Variants in GSDME observed in about 807,000 individuals in gnomAD.
GSDME encodes the protein gasdermin E, also known as gasdermin-E.
A neutral mutation model predicts 47.5 loss-of-function variants in GSDME; 44 were observed. The observed-to-expected ratio is 0.93, with a 90% CI of 0.73 to 1.19. The LOEUF is 1.19. Among genes scored for constraint, GSDME ranks in the 50% most tolerant of loss-of-function variants. The pLI, the probability that GSDME is intolerant of heterozygous loss-of-function variation, is 0.00. For missense variants in GSDME, 663 were observed against 604.2 expected (o/e 1.10, Z -1.02); for synonymous variants, 258 against 252.8 (o/e 1.02, Z -0.20).
rs1349417807 is a variant in GSDME at position 24,716,642 on chromosome 7, G to A, written c.697+612C>T. On this transcript the variant is annotated intron_variant, in intron 5 of 9. Transcript: ENST00000645220. This position sits in a 1 kb window ranked among gnomAD's most constrained non-coding sequence, Gnocchi z 4.5. ...CTTCCGTGACAACAGCTGGGTCTCT[G>A]CGCTTTGAACACACTCGTGATCAGC... 6.3e-6 allele frequency: 1 copy of A among 158,360 alleles called. No individual in the cohort carries two copies. Among genetic ancestry groups the A allele is most frequent in the Non-Finnish European group, 1.4e-5 (1 of 71,454 alleles). The allele number at this position is 158,360 out of a possible 1,614,324, so 9.8% of individuals were successfully genotyped here.
At chr7:24,759,544 C>G (rs1024453943), upstream of GSDME, among the ~76,000 whole-genome samples, 2 of 152,166 alleles carry the variant, frequency 1.3e-5, no homozygotes, top group African/African-American at 4.8e-5. Context: ...TCATTTAATC[C>G]TTACAACTAT....
chr7:24,756,511 C>T lies in GSDME; in HGVS notation c.-20+885G>A, dbSNP rs2128068860. Among the ~76,000 whole-genome samples, 1 of 152,324 alleles carries T rather than the reference C, an allele frequency of 6.6e-6. No individual in the cohort carries two copies. Among genetic ancestry groups the T allele is most frequent in the South Asian group, 2.1e-4 (1 of 4,826 alleles). ...GAAGACAATTAATTTCACTCTTCAG[C>T]TGCTTCTCCAACCCCACAGCACTCC... On this transcript the variant is annotated intron_variant, in intron 1 of 9. Coordinates refer to ENST00000645220, the MANE Select transcript of GSDME (RefSeq NM_001127453.2). This position sits in a 1 kb window ranked among gnomAD's most constrained non-coding sequence, Gnocchi z 4.2.
At position 24,745,285 on chromosome 7, in the gene GSDME, T is replaced by G. The variant is rs1245566587; in HGVS notation, c.212-531A>C. Among the ~76,000 whole-genome samples the G allele has an allele frequency of 6.6e-6, 1 of 152,158 alleles. No homozygotes were observed. ...AGAGAACAGCAGCCCCTATTCTGGATGCACCGCGAGAGGACAGCCTTCCTT... is the reference window on the plus strand; with the variant it reads ...AGAGAACAGCAGCCCCTATTCTGGAGGCACCGCGAGAGGACAGCCTTCCTT... On this transcript the variant is annotated intron_variant, in intron 2 of 9. Coordinates refer to ENST00000645220, the MANE Select transcript of GSDME (RefSeq NM_001127453.2). This position sits in a 1 kb window ranked among gnomAD's most constrained non-coding sequence, Gnocchi z 4.4.
intron 9 of GSDME, chr7:24,702,326 A>G (rs17149906): frequency 3.9e-6 from 1 of 259,240 alleles, no homozygotes; most frequent in Non-Finnish European, 7.5e-6. Context: ...GAAAGAAGCT[A>G]TGTCTCCCTG....
At chr7:24,748,168 A>ATTTTTTT (rs1366320411) in intron 2 of GSDME, among the ~76,000 whole-genome samples, 138 of 117,478 alleles carry the variant, frequency 1.2e-3, no homozygotes, top group African/African-American at 3.7e-3. Flanking sequence ...ATATATATAT[A>ATTTTTTT]TTTTTTTTTG....
intron 7 of GSDME, among the ~76,000 whole-genome samples, chr7:24,706,795 CAG>C (rs1045936846): frequency 1.3e-5 from 2 of 152,252 alleles, no homozygotes; most frequent in Non-Finnish European, 2.9e-5. Flanking sequence ...TCTGTCCCCA[CAG>C]AGCCTGCTGT....
chr7:24,707,534 C>A (rs1446930104), intron 7 of GSDME: 1 of 414,324 alleles, frequency 2.4e-6, no homozygotes, highest in African/African-American at 2.1e-5. Flanking sequence ...TGAGTAGTGG[C>A]CCACCAACAT....
At chr7:24,782,180 T>C in the GSDME span, among the ~76,000 whole-genome samples, 1 of 152,084 alleles carries the variant, frequency 6.6e-6, no homozygotes, top group Non-Finnish European at 1.5e-5. Context: ...ACTCGTCATT[T>C]ACGTTAGGTA....
the GSDME span, among the ~76,000 whole-genome samples, chr7:24,775,791 C>T: frequency 7.2e-6 from 1 of 139,260 alleles, no homozygotes; most frequent in African/African-American, 2.7e-5. Context: ...GGGAGAATCA[C>T]TTGAACCCAG....
In GSDME at chr7:24,710,262, AT is replaced by A; in HGVS notation, c.823del (p.Ile275TyrfsTer8). On this transcript the variant is annotated frameshift_variant, in exon 6 of 10. Transcript: ENST00000645220. LOFTEE classifies it high-confidence loss of function. The stretch of plus-strand genomic sequence containing the variant: ...ACTTAATGGTCCATCCTGGGAAGAT[AT>A]CCCATGCGCAGCATCTGGCATGTCT... Reference protein sequence around the residue: ...FIDMPDAAHGISSQDGPLSVL... With the variant: ...FIDMPDAAHGXSSQDGPLSVL... 1 of 1,614,204 alleles carries A rather than the reference AT, an allele frequency of 6.2e-7. No individual in the cohort carries two copies. Among genetic ancestry groups the A allele is most frequent in the African/African-American group, 1.3e-5 (1 of 75,070 alleles).
intron 9 of GSDME, among the ~76,000 whole-genome samples, chr7:24,700,920 C>T (rs537508510): frequency 6.6e-6 from 1 of 152,216 alleles, no homozygotes; most frequent in Admixed American, 6.5e-5. Context: ...CCACCACCCC[C>T]TTTGCCCACA....
chr7:24,716,102 C>T lies in GSDME; in HGVS notation c.697+1152G>A, dbSNP rs771303080. 7.2e-5 allele frequency among the ~76,000 whole-genome samples: 11 copies of T among 152,202 alleles called. No homozygotes were observed. Among genetic ancestry groups the T allele is most frequent in the Non-Finnish European group, 1.5e-5 (1 of 68,036 alleles). On this transcript the variant is annotated intron_variant, in intron 5 of 9. Coordinates refer to ENST00000645220, the MANE Select transcript of GSDME (RefSeq NM_001127453.2). This position sits in a 1 kb window ranked among gnomAD's most constrained non-coding sequence, Gnocchi z 4.5. ...GTCTCACGGGAGACTGCCCCCCACCCGCCTTCCACAAATGGGGGAGAAGCA... is the reference window on the plus strand; with the variant it reads ...GTCTCACGGGAGACTGCCCCCCACCTGCCTTCCACAAATGGGGGAGAAGCA...
chr7:24,765,900 G>A, the GSDME span, among the ~76,000 whole-genome samples: 3 of 151,982 alleles, frequency 2.0e-5, no homozygotes, highest in African/African-American at 7.2e-5. Context: ...TCCTAGAGAG[G>A]CAGCCTATAA....
At chr7:24,765,726 A>G in the GSDME span, among the ~76,000 whole-genome samples, 1 of 152,220 alleles carries the variant, frequency 6.6e-6, no homozygotes, top group Non-Finnish European at 1.5e-5. Flanking sequence ...TCATTTATCT[A>G]AAGTTTTTCT....
the GSDME span, among the ~76,000 whole-genome samples, chr7:24,792,683 T>C: frequency 6.6e-6 from 1 of 152,346 alleles, no homozygotes; most frequent in East Asian, 1.9e-4. Flanking sequence ...CCCACAACTC[T>C]GGAGCAGGTG....
rs2721809 is a variant in GSDME, at chr7:24,708,291, G to A, written c.863-37C>T. The A allele has an allele frequency of 0.48, 775,009 of 1,611,244 alleles. 202,812 individuals carry two copies. Among genetic ancestry groups the A allele is most frequent in the East Asian group, 0.99 (44,623 of 44,858 alleles). ...AAGCACACCCAAGTCTCATGACTGCGATGCACATCTCACGACGTCGGACAG... is the reference window on the plus strand; with the variant it reads ...AAGCACACCCAAGTCTCATGACTGCAATGCACATCTCACGACGTCGGACAG... On this transcript the variant is annotated intron_variant, in intron 6 of 9. Transcript: ENST00000645220.
chr7:24,730,507 T>A (rs1227793935), intron 3 of GSDME, among the ~76,000 whole-genome samples: 1 of 152,156 alleles, frequency 6.6e-6, no homozygotes, highest in African/African-American at 2.4e-5. Context: ...TCCAAAAAGA[T>A]CTGAAGTTGC....
intron 1 of GSDME, among the ~76,000 whole-genome samples, chr7:24,752,995 T>G (rs1170371577): frequency 6.6e-6 from 1 of 151,976 alleles, no homozygotes; most frequent in East Asian, 1.9e-4. Context: ...TTTTCATGTT[T>G]TTTTTTTTTC....
chr7:24,722,733 C>T (rs758176765), intron 3 of GSDME, among the ~76,000 whole-genome samples: 22 of 152,232 alleles, frequency 1.4e-4, no homozygotes, highest in Non-Finnish European at 3.2e-4. Flanking sequence ...CTAGACTACT[C>T]AAGACTCCAC....
Sources: allele counts gnomAD v4.1 joint callset (sites outside exome capture counted in the v4.1 genomes callset), GRCh38; gene constraint gnomAD v4.1.1; non-coding constraint Gnocchi (gnomAD v3.1); transcripts MANE v1.5; gene names NCBI Gene and HGNC (gene_info 2026-07-23, HGNC 2026-07-21).